The following RUNX2 variants were observed in gnomAD, a reference collection of about 807,000 sequenced individuals.
The protein encoded by RUNX2 is RUNX family transcription factor 2.
Under a neutral mutation model 51.7 loss-of-function variants are expected in RUNX2, and 10 were observed. The ratio of observed to expected loss-of-function variants is 0.19; its 90% CI spans 0.12 to 0.33. The LOEUF (loss-of-function observed/expected upper bound fraction) is 0.33. RUNX2 is among the 10% of genes least tolerant of loss of function. The pLI is 1.00. For missense variants in RUNX2, 562 were observed against 691.3 expected, an observed-to-expected ratio of 0.81 and a Z score of 2.10; for synonymous variants, 276 against 273.6, an observed-to-expected ratio of 1.01 and a Z score of -0.09.
chr6:45,398,370 T>TCACTG (rs2150350353), intron 2 of RUNX2, among the ~76,000 whole-genome samples: 2 of 152,350 alleles, frequency 1.3e-5, no homozygotes, highest in East Asian at 3.8e-4. Context: ...AGACTTCAGC[T>TCACTG]TTAAGTCTGA....
At chr6:45,538,977 A>C (rs1802132366) in intron 7 of RUNX2, among the ~76,000 whole-genome samples, 1 of 151,954 alleles carries the variant, frequency 6.6e-6, no homozygotes, top group African/African-American at 2.4e-5. Context: ...AGGATTTAAA[A>C]AGTTCTTAAT....
At chr6:45,540,200 C>G (rs1802174153) in intron 7 of RUNX2, among the ~76,000 whole-genome samples, 1 of 152,180 alleles carries the variant, frequency 6.6e-6, no homozygotes, top group Admixed American at 6.5e-5. Context: ...TAGCCTCCTT[C>G]CTTTTCACCC....
intron 8 of RUNX2, 38 bp downstream of exon 8, chr6:45,545,320 G>A: frequency 6.5e-7 from 1 of 1,545,818 alleles, no homozygotes; most frequent in South Asian, 1.2e-5. Context: ...GGCAGGGCTG[G>A]GCTGGGCTGG....
chr6:45,381,462 C>T (rs1797240051), intron 2 of RUNX2, among the ~76,000 whole-genome samples: 1 of 152,050 alleles, frequency 6.6e-6, no homozygotes, highest in Non-Finnish European at 1.5e-5. Flanking sequence ...GTTTCCCTCT[C>T]TGTTGCCCAG....
At chr6:45,496,969 T>C (rs1800667196) in intron 6 of RUNX2, among the ~76,000 whole-genome samples, 1 of 152,096 alleles carries the variant, frequency 6.6e-6, no homozygotes, top group Admixed American at 6.6e-5. Context: ...AGTTTTGACC[T>C]GGGCAATTGG....
intron 2 of RUNX2, among the ~76,000 whole-genome samples, chr6:45,397,037 G>GT: frequency 6.6e-6 from 1 of 151,730 alleles, no homozygotes. Context: ...TAGTATATAT[G>GT]TTTTTATTTC....
At chr6:45,331,104 G>A (rs1232281788) in intron 2 of RUNX2, among the ~76,000 whole-genome samples, 1 of 149,606 alleles carries the variant, frequency 6.7e-6, no homozygotes. Flanking sequence ...TACAATGAGT[G>A]GTGTGTGTGT....
rs116363621 is a variant in RUNX2 at position 45,519,952 on chromosome 6, C to T, written c.1021+7545C>T. On this transcript the variant is annotated intron_variant, in intron 7 of 8. Transcript: ENST00000647337. Reference sequence around the variant, plus strand: ...AAGCAATTCTCTTGCCTCACCCTCCCGATTACAGACTGGGATTACAGGCAC... The same window carrying T: ...AAGCAATTCTCTTGCCTCACCCTCCTGATTACAGACTGGGATTACAGGCAC... 7.6e-3 allele frequency among the ~76,000 whole-genome samples: 1,148 copies of T among 151,824 alleles called. 15 individuals are homozygous for T. The highest frequency in any genetic ancestry group is 0.026 in the African/African-American group (1,055 of 41,336).
chr6:45,402,337 T>C (rs376842736), intron 2 of RUNX2, among the ~76,000 whole-genome samples: 1 of 152,222 alleles, frequency 6.6e-6, no homozygotes, highest in Non-Finnish European at 1.5e-5. Context: ...TTATGAAAGA[T>C]TAATTAATAT....
intron 2 of RUNX2, among the ~76,000 whole-genome samples, chr6:45,407,021 T>C (rs1210679426): frequency 6.6e-6 from 1 of 152,174 alleles, no homozygotes; most frequent in Non-Finnish European, 1.5e-5. Context: ...AAATAAAACA[T>C]TATCCTTACC....
chr6:45,361,033 GA>G (rs1794158973), intron 2 of RUNX2, among the ~76,000 whole-genome samples: 1 of 152,188 alleles, frequency 6.6e-6, no homozygotes, highest in African/African-American at 2.4e-5. Flanking sequence ...AGCTACTCAG[GA>G]GATGGGGGCA....
intron 2 of RUNX2, among the ~76,000 whole-genome samples, chr6:45,350,659 T>C (rs1476368359): frequency 6.6e-6 from 1 of 152,172 alleles, no homozygotes; most frequent in Non-Finnish European, 1.5e-5. Flanking sequence ...TTCTGGCTGC[T>C]AAGATGTGGT....
chr6:45,464,622 C>T (rs973032686), intron 5 of RUNX2, among the ~76,000 whole-genome samples: 15 of 152,250 alleles, frequency 9.9e-5, no homozygotes, highest in African/African-American at 2.6e-4. Context: ...GGTCAATGTC[C>T]GAGCATTATC....
chr6:45,428,092 T>G (rs894822097), intron 3 of RUNX2, among the ~76,000 whole-genome samples: 3 of 152,212 alleles, frequency 2.0e-5, no homozygotes, highest in Non-Finnish European at 4.4e-5. Context: ...CAAATTATTC[T>G]TTGCAGAGCA....
chr6:45,472,520 G>T (rs1360530607), intron 5 of RUNX2, among the ~76,000 whole-genome samples: 5 of 152,198 alleles, frequency 3.3e-5, no homozygotes, highest in African/African-American at 9.7e-5. Flanking sequence ...CAGATGCCCA[G>T]CTGTGGAAGA....
At chr6:45,449,134 A>G (rs1199392600) in intron 5 of RUNX2, among the ~76,000 whole-genome samples, 1 of 152,166 alleles carries the variant, frequency 6.6e-6, no homozygotes, top group Non-Finnish European at 1.5e-5. Flanking sequence ...GGATTGGAGG[A>G]CTCAGGAATT....
intron 7 of RUNX2, among the ~76,000 whole-genome samples, chr6:45,527,700 G>A (rs1801713837): frequency 1.3e-5 from 2 of 152,070 alleles, no homozygotes; most frequent in African/African-American, 4.8e-5. Flanking sequence ...GAAATTTCAG[G>A]CCAGAAATCC....
chr6:45,344,945 C>T (rs1387511287), intron 2 of RUNX2, among the ~76,000 whole-genome samples: 2 of 152,122 alleles, frequency 1.3e-5, no homozygotes, highest in Non-Finnish European at 2.9e-5. Flanking sequence ...ATGGACTATG[C>T]TCTGAAGCCA....
At chr6:45,514,338 A>G (rs1339948948) in intron 7 of RUNX2, among the ~76,000 whole-genome samples, 1 of 152,234 alleles carries the variant, frequency 6.6e-6, no homozygotes, top group Admixed American at 6.5e-5. Context: ...TACTTAAAAC[A>G]TTTCCACAAA....
Sources: gnomAD v4.1 joint callset for allele counts (sites outside exome capture counted in the v4.1 genomes callset) on GRCh38, gnomAD v4.1.1 for gene constraint, MANE v1.5 for transcripts, NCBI Gene and HGNC (gene_info 2026-07-23, HGNC 2026-07-21) for gene names.